The following ATF3 variants were observed in gnomAD, a reference collection of about 807,000 sequenced individuals.
ATF3 encodes the protein activating transcription factor 3.
ATF3 carries 10 observed loss-of-function variants against 18.4 expected under a neutral mutation model. The observed-to-expected ratio is 0.54, with a 90% CI of 0.34 to 0.92. The LOEUF is 0.92. ATF3 is among the 40% of genes least tolerant of loss of function. The pLI is 0.02. For missense variants in ATF3, 183 were observed against 222.3 expected, an observed-to-expected ratio of 0.82 and a Z score of 1.12; for synonymous variants, 78 against 87.9, an observed-to-expected ratio of 0.89 and a Z score of 0.63.
At chr1:212,589,182 G>A (rs1214816201) in intron 1 of ATF3, among the ~76,000 whole-genome samples, 1 of 152,134 alleles carries the variant, frequency 6.6e-6, no homozygotes, top group South Asian at 2.1e-4. Flanking sequence ...GCACTCCCGG[G>A]TTGACACAGT....
At chr1:212,609,167 A>C (rs2102648408) in intron 1 of ATF3, among the ~76,000 whole-genome samples, 1 of 152,308 alleles carries the variant, frequency 6.6e-6, no homozygotes, top group South Asian at 2.1e-4. Context: ...TTGGGGCGCG[A>C]AAGGTTCCTG....
intron 1 of ATF3, among the ~76,000 whole-genome samples, chr1:212,587,242 GGC>G (rs1254300712): frequency 6.6e-6 from 1 of 152,154 alleles, no homozygotes; most frequent in Non-Finnish European, 1.5e-5. Context: ...ATACATAATT[GGC>G]GTTCAATAAA....
intron 2 of ATF3, among the ~76,000 whole-genome samples, chr1:212,615,994 A>G (rs1655107457): frequency 6.6e-6 from 1 of 151,672 alleles, no homozygotes; most frequent in Non-Finnish European, 1.5e-5. Context: ...GTAAGGATTC[A>G]CTGATAGTGA....
intron 2 of ATF3, among the ~76,000 whole-genome samples, chr1:212,616,284 C>T (rs999871364): frequency 6.7e-6 from 1 of 149,592 alleles, no homozygotes; most frequent in African/African-American, 2.5e-5. Context: ...CACACACACA[C>T]ACACAGATAC....
At chr1:212,613,518 C>T (rs755493928) in intron 1 of ATF3, 19 of 152,196 alleles carry the variant, frequency 1.2e-4, no homozygotes, top group Non-Finnish European at 2.1e-4. Flanking sequence ...TCAATTATCT[C>T]ATCTATAAAA....
chr1:212,574,514 T>C (rs1664540043), intron 1 of ATF3, among the ~76,000 whole-genome samples: 1 of 151,792 alleles, frequency 6.6e-6, no homozygotes, highest in Non-Finnish European at 1.5e-5. Context: ...TTTTAACACA[T>C]AGTTTTTTTC....
upstream of ATF3, chr1:212,608,662 T>G (rs1654727722): frequency 6.6e-6 from 1 of 152,444 alleles, no homozygotes; most frequent in South Asian, 2.1e-4. Flanking sequence ...CGGGAAGCTA[T>G]TAATAGCATT....
intron 1 of ATF3, among the ~76,000 whole-genome samples, chr1:212,577,371 A>G (rs1404814210): frequency 6.6e-6 from 1 of 152,346 alleles, no homozygotes; most frequent in East Asian, 1.9e-4. Flanking sequence ...CTAGCTAATT[A>G]ACGTGTACAT....
Position 212,615,108 on chromosome 1 carries a change from G to A in ATF3, c.87G>A (p.Leu29=). 1 of 1,614,192 alleles carries A rather than the reference G, an allele frequency of 6.2e-7. No homozygotes were observed. The highest frequency in any genetic ancestry group is 1.6e-4 in the Middle Eastern group (1 of 6,062). The part of the protein sequence containing the change: ...IVPCLSPPGS[L]VFEDFANLTP... ...CCTGCCTGTCCCCTCCTGGGTCACT[G>A]GTGTTTGAGGATTTTGCTAACCTGA... The change falls in exon 2 of 4, where the codon CTG becomes CTA. Residue 29 remains leucine, a synonymous_variant. Transcript: ENST00000341491.
Position 212,619,162 on chromosome 1 carries a change from A to T in ATF3, c.349-196A>T. On this transcript the variant is annotated intron_variant, in intron 3 of 3. Transcript: ENST00000341491. The surrounding 1 kb of genome is among the most constrained non-coding windows in gnomAD (Gnocchi z 4.4). ...AGCCACAGGCCGCCTCTGTGGCATC[A>T]CCAGGGTTTCTCTGAAGAAGAGGGT... The T allele has an allele frequency of 6.2e-7, 1 of 1,613,694 alleles. No homozygotes were observed. Among genetic ancestry groups the T allele is most frequent in the South Asian group, 1.1e-5 (1 of 91,070 alleles).
intron 1 of ATF3, among the ~76,000 whole-genome samples, chr1:212,588,833 T>C (rs911296957): frequency 6.6e-6 from 1 of 152,224 alleles, no homozygotes; most frequent in Non-Finnish European, 1.5e-5. Flanking sequence ...GAATTTTGCT[T>C]TCTTCCTCCA....
At chr1:212,580,688 C>G (rs1664668596) in intron 1 of ATF3, among the ~76,000 whole-genome samples, 1 of 152,192 alleles carries the variant, frequency 6.6e-6, no homozygotes, top group African/African-American at 2.4e-5. Context: ...CAGTAATTAT[C>G]CCACATTTGC....
Position 212,608,875 on chromosome 1 carries a change from A to G in ATF3, c.-60A>G. The G allele has an allele frequency of 6.5e-6, 1 of 152,684 alleles. No individual in the cohort carries two copies. The highest frequency in any genetic ancestry group is 1.5e-5 in the Non-Finnish European group (1 of 68,488). The allele number at this position is 152,684 out of a possible 1,614,324, so 9.5% of individuals were successfully genotyped here. A position where few individuals can be genotyped will look rare whatever the true frequency, so the allele number is the denominator to read the frequency against. On this transcript the variant is annotated 5_prime_UTR_variant, in exon 1 of 4. Transcript: ENST00000341491. ...TCCTCGGTGCTCGCCCGCCGGCCAG[A>G]CAAACAGCCCGCCCGACCCCGTCCC...
chr1:212,619,152 C>A lies in ATF3; in HGVS notation c.349-206C>A. Reference sequence around the variant, plus strand: ...GTATTAGCAGAGCCACAGGCCGCCTCTGTGGCATCACCAGGGTTTCTCTGA... The same window carrying A: ...GTATTAGCAGAGCCACAGGCCGCCTATGTGGCATCACCAGGGTTTCTCTGA... On this transcript the variant is annotated intron_variant, in intron 3 of 3. Transcript: ENST00000341491. This position sits in a 1 kb window ranked among gnomAD's most constrained non-coding sequence, Gnocchi z 4.4. 6.2e-7 allele frequency: 1 copy of A among 1,613,952 alleles called. No homozygotes were observed. Among genetic ancestry groups the A allele is most frequent in the Non-Finnish European group, 8.5e-7 (1 of 1,180,038 alleles).
At chr1:212,604,898 G>C (rs1333574897), upstream of ATF3, among the ~76,000 whole-genome samples, 2 of 152,192 alleles carry the variant, frequency 1.3e-5, no homozygotes, top group Non-Finnish European at 2.9e-5. Flanking sequence ...AGAGCCCCAG[G>C]TGTGTGGTGG....
At chr1:212,590,926 C>T (rs1159900350) in intron 1 of ATF3, among the ~76,000 whole-genome samples, 2 of 152,188 alleles carry the variant, frequency 1.3e-5, no homozygotes, top group Admixed American at 6.5e-5. Context: ...AAAAATATTC[C>T]TTTATCATGT....
At chr1:212,601,644 T>C (rs1282714948) in intron 1 of ATF3, among the ~76,000 whole-genome samples, 1 of 152,224 alleles carries the variant, frequency 6.6e-6, no homozygotes, top group Non-Finnish European at 1.5e-5. Flanking sequence ...TGAAATAAGA[T>C]ACTGGGTATT....
chr1:212,600,548 C>T (rs914438036), intron 1 of ATF3, among the ~76,000 whole-genome samples: 8 of 152,260 alleles, frequency 5.3e-5, no homozygotes, highest in African/African-American at 1.9e-4. Context: ...CAGGGCACAG[C>T]CCCTTCCTGG....
At chr1:212,597,060 GC>G (rs1369981520) in intron 1 of ATF3, among the ~76,000 whole-genome samples, 1 of 152,190 alleles carries the variant, frequency 6.6e-6, no homozygotes, top group Non-Finnish European at 1.5e-5. Context: ...AGATGCGGGG[GC>G]AATCTTCAGA....
Sources: allele counts gnomAD v4.1 joint callset (sites outside exome capture counted in the v4.1 genomes callset), GRCh38; gene constraint gnomAD v4.1.1; non-coding constraint Gnocchi (gnomAD v3.1); transcripts MANE v1.5; gene names NCBI Gene and HGNC (gene_info 2026-07-23, HGNC 2026-07-21).